The following PEDS1 variants were observed in gnomAD, a reference collection of about 807,000 sequenced individuals.
The protein encoded by PEDS1 is CarF homolog.
Under a neutral mutation model 35.2 loss-of-function variants are expected in PEDS1, and 14 were observed. That is an observed-to-expected ratio of 0.40 (90% confidence interval 0.26 to 0.62). The LOEUF is 0.62. PEDS1 is among the 20% of genes least tolerant of loss of function. The pLI is 0.44. For missense variants in PEDS1, 260 were observed against 367.8 expected (o/e 0.71, Z 2.40); for synonymous variants, 152 against 152.0 (o/e 1.00, Z 0.00).
Position 50,129,718 on chromosome 20 carries a change from C to T in PEDS1, c.334-28G>A. ...GGAGTTGAGGGGGACACAGCCCCAGCAGTCAGCCTAAGGTGGTCAGCTGCT... is the reference window on the plus strand; with the variant it reads ...GGAGTTGAGGGGGACACAGCCCCAGTAGTCAGCCTAAGGTGGTCAGCTGCT... On this transcript the variant is annotated intron_variant, in intron 3 of 5. Transcript: ENST00000371652. The surrounding 1 kb of genome is among the most constrained non-coding windows in gnomAD (Gnocchi z 4.2). 2 of 1,612,428 alleles carry T rather than the reference C, an allele frequency of 1.2e-6. No homozygotes were observed. The highest frequency in any genetic ancestry group is 1.7e-6 in the Non-Finnish European group (2 of 1,179,694).
intron 1 of PEDS1, among the ~76,000 whole-genome samples, chr20:50,145,816 T>C (rs189483082): frequency 8.6e-4 from 131 of 152,314 alleles, no homozygotes; most frequent in African/African-American, 2.9e-3. Flanking sequence ...AATTTTATCA[T>C]GGGTGTTTAA....
rs1027125962 is a variant in PEDS1, at chr20:50,129,725, C to G, written c.334-35G>C. 6.2e-7 allele frequency: 1 copy of G among 1,610,350 alleles called. No homozygotes were observed. On this transcript the variant is annotated intron_variant, in intron 3 of 5. Coordinates refer to ENST00000371652, the MANE Select transcript of PEDS1 (RefSeq NM_199129.4). The surrounding 1 kb of genome is among the most constrained non-coding windows in gnomAD (Gnocchi z 4.2). Reference sequence around the variant, plus strand: ...AGGGGGACACAGCCCCAGCAGTCAGCCTAAGGTGGTCAGCTGCTCTCCACA... The same window carrying G: ...AGGGGGACACAGCCCCAGCAGTCAGGCTAAGGTGGTCAGCTGCTCTCCACA...
chr20:50,148,529 G>A (rs1477470622), intron 1 of PEDS1, among the ~76,000 whole-genome samples: 6 of 152,194 alleles, frequency 3.9e-5, no homozygotes, highest in Admixed American at 2.6e-4. Flanking sequence ...GGCTGGCCTC[G>A]TGTGGTAGGT....
At chr20:50,125,571 TC>T (rs1569039911) in intron 5 of PEDS1, among the ~76,000 whole-genome samples, 2 of 151,818 alleles carry the variant, frequency 1.3e-5, no homozygotes, top group African/African-American at 4.8e-5. Flanking sequence ...TATCTATCTA[TC>T]TATCTATCTA....
At chr20:50,139,669 G>A (rs986605517) in intron 2 of PEDS1, among the ~76,000 whole-genome samples, 1 of 146,448 alleles carries the variant, frequency 6.8e-6, no homozygotes, top group Admixed American at 7.1e-5. Context: ...GATGACCCCC[G>A]GATTTCTTTC....
Position 50,153,499 on chromosome 20 carries a change from G to T in PEDS1, c.121+18C>A. 1 of 1,351,504 alleles carries T rather than the reference G, an allele frequency of 7.4e-7. No homozygotes were observed. 83.7% of individuals were successfully genotyped at this position (1,351,504 alleles called of 1,614,324 possible). A position where few individuals can be genotyped will look rare whatever the true frequency, so the allele number is the denominator to read the frequency against. ...GGGCTGGTGACCGCAGGCCTGGAGG[G>T]GGGCCCAGAGGTCTTACCTGGCGAG... On this transcript the variant is annotated intron_variant, in intron 1 of 5. Transcript: ENST00000371652.
rs1049034634 is a variant in PEDS1, at chr20:50,121,878, T to C, written c.*3180A>G. 6.6e-6 allele frequency: 1 copy of C among 152,198 alleles called. No homozygotes were observed. Among genetic ancestry groups the C allele is most frequent in the African/African-American group, 2.4e-5 (1 of 41,436 alleles). The allele number at this position is 152,198 out of a possible 1,614,324, so 9.4% of individuals were successfully genotyped here. ...GTGGTGAGGCTACTCCTATGGCCTC[T>C]AAAGAATTTAGCTGCCTGTCCCATC... On this transcript the variant is annotated 3_prime_UTR_variant, in exon 6 of 6. Coordinates refer to ENST00000371652, the MANE Select transcript of PEDS1 (RefSeq NM_199129.4).
At chr20:50,144,102 G>A (rs1014696316) in intron 1 of PEDS1, among the ~76,000 whole-genome samples, 12 of 152,098 alleles carry the variant, frequency 7.9e-5, no homozygotes, top group Admixed American at 7.9e-4. Flanking sequence ...ACGTCACTGA[G>A]GCCCTCACCA....
In PEDS1 at chr20:50,128,243, A is replaced by C. The variant is rs2081133606; in HGVS notation, c.479-56T>G. On this transcript the variant is annotated intron_variant, in intron 4 of 5. Coordinates refer to ENST00000371652, the MANE Select transcript of PEDS1 (RefSeq NM_199129.4). The surrounding 1 kb of genome is among the most constrained non-coding windows in gnomAD (Gnocchi z 5.2). ...AGCTGTCACTCGGGACGGGGAACCC[A>C]CCCCAAATGGCCCTCACCACCTGCT... The C allele has an allele frequency of 1.9e-6, 3 of 1,598,382 alleles. No individual in the cohort carries two copies. Among genetic ancestry groups the C allele is most frequent in the Non-Finnish European group, 2.6e-6 (3 of 1,172,508 alleles).
rs555828056 is a variant in PEDS1 at position 50,153,632 on chromosome 20, C to T, written c.6G>A (p.Ala2=). 4.0e-6 allele frequency: 5 copies of T among 1,262,068 alleles called. No individual in the cohort carries two copies. Among genetic ancestry groups the T allele is most frequent in the East Asian group, 3.2e-5 (1 of 31,712 alleles). The allele number at this position is 1,262,068 out of a possible 1,614,324, so 78.2% of individuals were successfully genotyped here. Residue 2 remains alanine, a synonymous_variant, in exon 1 of 6, where the codon GCG becomes GCA. Transcript: ENST00000371652. M[A]GAENWPGQQL... ...GCTGGCCCGGCCAGTTCTCGGCGCC[C>T]GCCATGGCCACTCGCCCGATCGGCC...
chr20:50,133,679 C>T (rs1036734401), intron 2 of PEDS1, among the ~76,000 whole-genome samples: 59 of 152,238 alleles, frequency 3.9e-4, no homozygotes, highest in African/African-American at 1.4e-3. Context: ...GGCTCCTCCT[C>T]GGCCTTCTTG....
chr20:50,133,011 G>T (rs914101022), intron 2 of PEDS1, among the ~76,000 whole-genome samples: 2 of 152,094 alleles, frequency 1.3e-5, no homozygotes, highest in Non-Finnish European at 1.5e-5. Context: ...TCCCAGACTC[G>T]GTTTGTCTGT....
At position 50,152,517 on chromosome 20, in the gene PEDS1, A is replaced by G. The variant is rs2081415350; in HGVS notation, c.121+1000T>C. Among the ~76,000 whole-genome samples, 4 of 152,212 alleles carry G rather than the reference A, an allele frequency of 2.6e-5. No homozygotes were observed. The South Asian group carries it at 8.3e-4, about 32-fold the overall frequency. On this transcript the variant is annotated intron_variant, in intron 1 of 5. Transcript: ENST00000371652. Reference sequence around the variant, plus strand: ...ATATAGGGCCCTCCTGAGGCCAAACAGTAAAATTCCTAGGGCTCACGTAGG... The same window carrying G: ...ATATAGGGCCCTCCTGAGGCCAAACGGTAAAATTCCTAGGGCTCACGTAGG...
In PEDS1 at chr20:50,129,523, C is replaced by A; in HGVS notation, c.478+23G>T. On this transcript the variant is annotated intron_variant, in intron 4 of 5. Transcript: ENST00000371652. This position sits in a 1 kb window ranked among gnomAD's most constrained non-coding sequence, Gnocchi z 4.2. Reference sequence around the variant, plus strand: ...TCTGCCCCCAAGGCCCCCTCCCAGCCCACCACTAGCTGGGTGTCTCACCAG... The same window carrying A: ...TCTGCCCCCAAGGCCCCCTCCCAGCACACCACTAGCTGGGTGTCTCACCAG... The A allele has an allele frequency of 6.2e-7, 1 of 1,613,812 alleles. No individual in the cohort carries two copies. The highest frequency in any genetic ancestry group is 8.5e-7 in the Non-Finnish European group (1 of 1,179,818).
intron 1 of PEDS1, among the ~76,000 whole-genome samples, chr20:50,148,729 G>C (rs1020421752): frequency 6.6e-6 from 1 of 152,128 alleles, no homozygotes; most frequent in Non-Finnish European, 1.5e-5. Flanking sequence ...GGAGATGGGG[G>C]ACAAGAGGTA....
chr20:50,150,167 ACGGTTGTAGTGGG>A (rs1464821810), intron 1 of PEDS1, among the ~76,000 whole-genome samples: 78 of 152,260 alleles, frequency 5.1e-4, no homozygotes, highest in Admixed American at 5.0e-3. Flanking sequence ...TACAGCTCAC[ACGGTTGTAGTGGG>A]GATGCACGGA....
rs1465478616 is a variant in PEDS1 at position 50,125,107 on chromosome 20, C to T, written c.764G>A (p.Gly255Asp). ...RLEDLIQGLT[G>D]EKPRADDMKW... ...CATGTCATCTGCCCGAGGCTTCTCG[C>T]CCGTCAGGCCCTGGATGAGGTCCTC... The change falls in exon 6 of 6, where the codon GGC (glycine) becomes GAC (aspartate). Residue 255 changes from glycine (G) to aspartate (D), a missense_variant. Physicochemically the swap from Gly to Asp is moderately conservative, Grantham distance 94. Transcript: ENST00000371652. 6.2e-7 allele frequency: 1 copy of T among 1,614,058 alleles called. No homozygotes were observed. Among genetic ancestry groups the T allele is most frequent in the East Asian group, 2.2e-5 (1 of 44,884 alleles).
intron 5 of PEDS1, 148 bp from the exon 6 acceptor site, chr20:50,125,327 G>T: frequency 9.1e-7 from 1 of 1,098,288 alleles, no homozygotes; most frequent in Non-Finnish European, 1.3e-6. Context: ...GGAACTGGAA[G>T]TGGGGGCCTC....
intron 1 of PEDS1, among the ~76,000 whole-genome samples, chr20:50,144,060 C>G (rs6020291): frequency 1.1e-4 from 17 of 152,282 alleles, no homozygotes; most frequent in African/African-American, 3.6e-4. Context: ...TTACAGACTC[C>G]CGCAAAGGAG....
Sources: allele counts gnomAD v4.1 joint callset (sites outside exome capture counted in the v4.1 genomes callset), GRCh38; gene constraint gnomAD v4.1.1; non-coding constraint Gnocchi (gnomAD v3.1); transcripts MANE v1.5; gene names NCBI Gene and HGNC (gene_info 2026-07-23, HGNC 2026-07-21).